The following TMPRSS5 variants were observed in gnomAD, a reference collection of about 807,000 sequenced individuals.
TMPRSS5 encodes transmembrane serine protease 5, also known as transmembrane protease serine 5.
TMPRSS5 carries 45 observed loss-of-function variants against 59.7 expected under a neutral mutation model. That is an observed-to-expected ratio of 0.75 (90% CI 0.59 to 0.97). TMPRSS5 has a LOEUF of 0.97. Ranked by LOEUF, TMPRSS5 falls within the 50% of genes least tolerant of loss-of-function variation. TMPRSS5 has a pLI of 0.00. For synonymous variants in TMPRSS5, 225 were observed against 232.0 expected, an observed-to-expected ratio of 0.97 and a Z score of 0.27; for missense variants, 585 against 596.7, an observed-to-expected ratio of 0.98 and a Z score of 0.20.
rs1056682789 is a variant in TMPRSS5 at position 113,702,024 on chromosome 11, A to G, written c.4-1856T>C. Among the ~76,000 whole-genome samples, 40 of 151,652 alleles carry G rather than the reference A, an allele frequency of 2.6e-4. 1 individual carries two copies. Among genetic ancestry groups the G allele is most frequent in the Non-Finnish European group, 5.7e-4 (39 of 67,932 alleles). On this transcript the variant is annotated intron_variant, in intron 1 of 12. Coordinates refer to ENST00000299882, the MANE Select transcript of TMPRSS5 (RefSeq NM_030770.4). Reference sequence around the variant, plus strand: ...CATGTCCATGTATTCTCACTGTTCAACTCCCATTATGAGTGAGAACATGTG... The same window carrying G: ...CATGTCCATGTATTCTCACTGTTCAGCTCCCATTATGAGTGAGAACATGTG...
chr11:113,705,337 C>T (rs1167117543), intron 1 of TMPRSS5, among the ~76,000 whole-genome samples: 7 of 152,150 alleles, frequency 4.6e-5, no homozygotes, highest in Admixed American at 1.3e-4. Context: ...TCCAAATTGC[C>T]CCGAAAATCA....
At chr11:113,695,851 C>T (rs1591380602) in intron 6 of TMPRSS5, among the ~76,000 whole-genome samples, 1 of 152,240 alleles carries the variant, frequency 6.6e-6, no homozygotes, top group South Asian at 2.1e-4. Context: ...ATGCTCCTTC[C>T]TAGGTTTGCT....
chr11:113,690,176 G>GGCCCCA, intron 11 of TMPRSS5, 55 bp downstream of exon 11: 1 of 388,230 alleles, frequency 2.6e-6, no homozygotes, highest in Non-Finnish European at 4.2e-6. Flanking sequence ...CAGGCCCCCT[G>GGCCCCA]CCCTCCCACC....
In TMPRSS5 at chr11:113,689,752, C is replaced by A. The variant is rs369152546; in HGVS notation, c.1359+13G>T. ...TAGAAATCTCCCTGCCCTACTCCTG[C>A]CCCCACACTCACCTGAGCAGTGTCA... On this transcript the variant is annotated intron_variant, in intron 12 of 12. Transcript: ENST00000299882. 4.4e-6 allele frequency: 7 copies of A among 1,607,262 alleles called. No individual in the cohort carries two copies. The highest frequency in any genetic ancestry group is 1.6e-4 in the Middle Eastern group (1 of 6,076).
chr11:113,689,558 A>G (rs779594082), intron 12 of TMPRSS5, among the ~76,000 whole-genome samples: 8 of 152,160 alleles, frequency 5.3e-5, no homozygotes, highest in Non-Finnish European at 1.2e-4. Flanking sequence ...AAACTCAGGC[A>G]TACTCTTACC....
rs1565263236 is a variant in TMPRSS5, at chr11:113,699,203, GTCTGTCTGTCTCTCTCTC to G, written c.206-194_206-177del. Among the ~76,000 whole-genome samples the G allele has an allele frequency of 3.5e-3, 127 of 36,418 alleles. 9 individuals are homozygous for G. The highest frequency in any genetic ancestry group is 0.012 in the African/African-American group (72 of 6,250). The allele number at this position is 36,418 out of a possible 152,430, so 23.9% of individuals were successfully genotyped here. On this transcript the variant is annotated intron_variant, in intron 3 of 12. Transcript: ENST00000299882. ...ATCTCTGCCTCTTTGACTCTCCTTT[GTCTGTCTGTCTCTCTCTC>G]TCTCTCTCTCTCTCTCTCTCTCTCT...
rs922817647 is a variant in TMPRSS5 at position 113,699,286 on chromosome 11, T to C, written c.206-259A>G. Among the ~76,000 whole-genome samples, 372 of 124,578 alleles carry C rather than the reference T, an allele frequency of 3.0e-3. 39 individuals carry two copies. In the East Asian group the frequency reaches 0.06, roughly 20 times the overall value. The allele number at this position is 124,578 out of a possible 152,430, so 81.7% of individuals were successfully genotyped here. A position where few individuals can be genotyped will look rare whatever the true frequency, so the allele number is the denominator to read the frequency against. Reference sequence around the variant, plus strand: ...CTCTCTCTCTCCCTCTCTCTCTCTCTCTCTCTGTCTCTCTCTCTCTCTAGC... The same window carrying C: ...CTCTCTCTCTCCCTCTCTCTCTCTCCCTCTCTGTCTCTCTCTCTCTCTAGC... On this transcript the variant is annotated intron_variant, in intron 3 of 12. Coordinates refer to ENST00000299882, the MANE Select transcript of TMPRSS5 (RefSeq NM_030770.4).
chr11:113,704,775 C>T (rs1953243185), intron 1 of TMPRSS5, among the ~76,000 whole-genome samples: 1 of 150,568 alleles, frequency 6.6e-6, no homozygotes, highest in Non-Finnish European at 1.5e-5. Context: ...TTACTTCCTT[C>T]TCTCTCCTTT....
At chr11:113,697,552 C>T in intron 4 of TMPRSS5, 134 bp from the exon 5 acceptor site, 1 of 1,037,628 alleles carries the variant, frequency 9.6e-7, no homozygotes, top group Non-Finnish European at 1.4e-6. Flanking sequence ...TGCCAAGTTC[C>T]CTGCTCCCCG....
In TMPRSS5 at chr11:113,690,332, A is replaced by G. The variant is rs7110736; in HGVS notation, c.1105T>C (p.Phe369Leu). The change falls in exon 11 of 13, where the codon TTC becomes CTC. Residue 369 changes from phenylalanine (F) to leucine (L), a missense_variant. Transcript: ENST00000299882. The part of the protein sequence containing the change: ...DMLQDTVVPL[F>L]STQLCNSSCV... ...GAGCTGTTGCAGAGCTGAGTGCTGA[A>G]CAAGGGCACCACCGTGTCCTGGAGC... The G allele has an allele frequency of 0.67, 1,066,301 of 1,600,988 alleles. 359,292 individuals are homozygous for G. Among genetic ancestry groups the G allele is most frequent in the African/African-American group, 0.92 (68,868 of 74,572 alleles).
chr11:113,694,370 G>T, intron 8 of TMPRSS5, 108 bp downstream of exon 8: 2 of 1,237,994 alleles, frequency 1.6e-6, no homozygotes, highest in Non-Finnish European at 2.3e-6. Context: ...CCCTTTTGGA[G>T]CAAAAAGCTG....
chr11:113,690,190 A>ACCCCCCCCCCCC, intron 11 of TMPRSS5, 41 bp downstream of exon 11: 1 of 234,312 alleles, frequency 4.3e-6, no homozygotes, highest in Non-Finnish European at 6.3e-6. Flanking sequence ...TCCCACCCCC[A>ACCCCCCCCCCCC]CCTCCACTCC....
intron 1 of TMPRSS5, among the ~76,000 whole-genome samples, chr11:113,701,689 G>A (rs566022325): frequency 2.6e-4 from 40 of 152,038 alleles, no homozygotes; most frequent in African/African-American, 8.7e-4. Context: ...TCACAGCCCT[G>A]GAAAATCACT....
intron 4 of TMPRSS5, among the ~76,000 whole-genome samples, chr11:113,698,246 G>A (rs1395895437): frequency 6.8e-6 from 1 of 146,598 alleles, no homozygotes; most frequent in Non-Finnish European, 1.5e-5. Context: ...CTTAGTCATG[G>A]CAAACCAAAC....
intron 12 of TMPRSS5, 28 bp downstream of exon 12, chr11:113,689,737 C>G: frequency 1.2e-6 from 2 of 1,601,134 alleles, no homozygotes; most frequent in East Asian, 2.3e-5. Context: ...TAGAAATCTC[C>G]CTGCCCTACT....
rs148890002 is a variant in TMPRSS5, at chr11:113,700,829, G to A, written c.4-661C>T. ...CCCACCCAAAATCTCATCTTGAATT[G>A]TAATCCAAATTGTAATCCCCATATG... is the stretch of plus-strand genomic sequence containing the variant. On this transcript the variant is annotated intron_variant, in intron 1 of 12. Transcript: ENST00000299882. Among the ~76,000 whole-genome samples the A allele has an allele frequency of 8.8e-3, 1,335 of 152,330 alleles. 22 individuals are homozygous for A. The highest frequency in any genetic ancestry group is 0.031 in the African/African-American group (1,300 of 41,572).
At chr11:113,689,585 T>G (rs1952702069) in intron 12 of TMPRSS5, among the ~76,000 whole-genome samples, 180 bp downstream of exon 12, 1 of 152,152 alleles carries the variant, frequency 6.6e-6, no homozygotes, top group Admixed American at 6.5e-5. Context: ...ATCCTTAAAC[T>G]GATAGAAATC....
intron 8 of TMPRSS5, 121 bp from the exon 9 acceptor site, chr11:113,693,370 T>A: frequency 8.8e-7 from 1 of 1,132,220 alleles, no homozygotes; most frequent in Non-Finnish European, 1.2e-6. Flanking sequence ...CAGCAGGCGG[T>A]GAGCTCCCAG....
At chr11:113,692,361 T>A (rs1371953627) in intron 9 of TMPRSS5, among the ~76,000 whole-genome samples, 2 of 152,166 alleles carry the variant, frequency 1.3e-5, no homozygotes, top group Admixed American at 6.5e-5. Context: ...GTGTGTGGTG[T>A]GTGTGCGCAA....
Sources: allele counts gnomAD v4.1 joint callset (sites outside exome capture counted in the v4.1 genomes callset), GRCh38; gene constraint gnomAD v4.1.1; transcripts MANE v1.5; gene names NCBI Gene and HGNC (gene_info 2026-07-23, HGNC 2026-07-21).